The following MDN1 variants were observed in gnomAD, a reference collection of about 807,000 sequenced individuals.
The protein encoded by MDN1 is midasin AAA ATPase 1.
A neutral mutation model predicts 669.2 loss-of-function variants in MDN1; 266 were observed. That is an observed-to-expected ratio of 0.40 (90% CI 0.36 to 0.44). The LOEUF (loss-of-function observed/expected upper bound fraction) is 0.44. Ranked by LOEUF, MDN1 falls within the 20% of genes least tolerant of loss-of-function variation. The pLI, the probability that MDN1 is intolerant of heterozygous loss-of-function variation, is 1.00. For synonymous variants in MDN1, 2,385 were observed against 2,457.1 expected (o/e 0.97, Z 0.87); for missense variants, 5,940 against 6,754.0 (o/e 0.88, Z 4.22).
chr6:89,692,890 G>A lies in MDN1; in HGVS notation c.10140C>T (p.His3380=), dbSNP rs774340409. The A allele has an allele frequency of 1.9e-6, 3 of 1,614,242 alleles. No homozygotes were observed. The highest frequency in any genetic ancestry group is 2.5e-6 in the Non-Finnish European group (3 of 1,180,042). ...CCTCTGACAGCCGCTTCCGGAACTG[G>A]TGGTGTGACTGCTGCCAAGAGGCCT... ...KEEASWQQSH[H]QFRKRLSEEY... Residue 3380 remains histidine, a synonymous_variant, in exon 63 of 102, where the codon CAC becomes CAT. Transcript: ENST00000369393.
At position 89,673,348 on chromosome 6, in the gene MDN1, G is replaced by A; in HGVS notation, c.13362C>T (p.Asp4454=). ...GACTTTCAACTAGTGCCATTTGTGA[G>A]TCTCTTTGCTCAACCTCCATCCCTG... The part of the protein sequence containing the change: ...ILPGMEVEQR[D]SQMALVESLE... The change falls in exon 80 of 102, where the codon GAC becomes GAT. Residue 4454 remains aspartate (D), a synonymous_variant. Transcript: ENST00000369393. The A allele has an allele frequency of 6.2e-7, 1 of 1,614,096 alleles. No individual in the cohort carries two copies. Among genetic ancestry groups the A allele is most frequent in the Middle Eastern group, 1.6e-4 (1 of 6,062 alleles).
At chr6:89,704,714 G>A (rs1813405453) in intron 53 of MDN1, among the ~76,000 whole-genome samples, 2 of 152,122 alleles carry the variant, frequency 1.3e-5, no homozygotes, top group Admixed American at 6.5e-5. Context: ...TCGAGTAGCT[G>A]GGACTACAGG....
intron 29 of MDN1, among the ~76,000 whole-genome samples, chr6:89,744,330 C>T (rs1816472093): frequency 6.6e-6 from 1 of 151,738 alleles, no homozygotes; most frequent in South Asian, 2.1e-4. Context: ...CCTGTAATCC[C>T]AACACTTTGG....
intron 1 of MDN1, among the ~76,000 whole-genome samples, chr6:89,811,286 C>A (rs1463032251): frequency 6.6e-6 from 1 of 152,000 alleles, no homozygotes; most frequent in South Asian, 2.1e-4. Context: ...AAGTATCTAG[C>A]GGGTGGGTGG....
rs555577852 is a variant in MDN1 at position 89,645,248 on chromosome 6, G to A, written c.16460-91C>T. The A allele has an allele frequency of 1.9e-5, 26 of 1,385,860 alleles. No homozygotes were observed. In the African/African-American group the frequency reaches 3.3e-4, roughly 18 times the overall value. 85.8% of individuals were successfully genotyped at this position (1,385,860 alleles called of 1,614,324 possible). On this transcript the variant is annotated intron_variant, in intron 100 of 101. Coordinates refer to ENST00000369393, the MANE Select transcript of MDN1 (RefSeq NM_014611.3). ...CCCAAAGTAGGACAAATTAGTGTAG[G>A]CTTTCTCTGTACTATTAAAGCTAAA...
chr6:89,794,526 C>T, intron 3 of MDN1, 51 bp downstream of exon 3: 1 of 1,524,804 alleles, frequency 6.6e-7, no homozygotes, highest in African/African-American at 1.4e-5. Context: ...TCCACACATG[C>T]CCTGTACCAT....
intron 5 of MDN1, among the ~76,000 whole-genome samples, chr6:89,790,662 A>G (rs573023041): frequency 6.6e-6 from 1 of 152,306 alleles, no homozygotes; most frequent in African/African-American, 2.4e-5. Context: ...CCATGATCAC[A>G]CCACTGCACT....
chr6:89,690,511 T>C (rs1312008082), intron 64 of MDN1, among the ~76,000 whole-genome samples, 162 bp downstream of exon 64: 6 of 152,082 alleles, frequency 3.9e-5, no homozygotes, highest in Non-Finnish European at 8.8e-5. Flanking sequence ...TGAGCTATGA[T>C]TGCGCCACTG....
At chr6:89,697,774 G>A (rs567123802) in intron 59 of MDN1, among the ~76,000 whole-genome samples, 2 of 151,988 alleles carry the variant, frequency 1.3e-5, no homozygotes, top group East Asian at 1.9e-4. Flanking sequence ...TAGAGACAGG[G>A]TTTCACCATG....
chr6:89,754,000 A>G, intron 21 of MDN1, 83 bp downstream of exon 21: 1 of 1,439,228 alleles, frequency 6.9e-7, no homozygotes, highest in South Asian at 1.5e-5. Flanking sequence ...AGCACAGGCA[A>G]CCTGGCATAT....
At chr6:89,809,803 T>TAAAATAAAATA (rs1768265229) in intron 1 of MDN1, among the ~76,000 whole-genome samples, 1 of 138,452 alleles carries the variant, frequency 7.2e-6, no homozygotes, top group Non-Finnish European at 1.5e-5. Context: ...TAAAATAAAA[T>TAAAATAAAATA]AAAATAAAAT....
rs763862520 is a variant in MDN1, at chr6:89,695,676, T to C, written c.9700A>G (p.Thr3234Ala). ...TCAAAGCGTGCCTGGGGAAGCCATG[T>C]CTGAATCTGGAGCAAGCCGAGGCTC... ...WVSLGLLQIQTWLPQARFDPA... is the reference protein window; with the variant it reads ...WVSLGLLQIQAWLPQARFDPA... Residue 3234 changes from threonine to alanine, a missense_variant, in exon 61 of 102, where the codon ACA (threonine) becomes GCA (alanine). This residue lies in a region of MDN1 where 2,292 missense variants were observed against 2,638.3 expected (regional missense o/e 0.87). Coordinates refer to ENST00000369393, the MANE Select transcript of MDN1 (RefSeq NM_014611.3). This position sits in a 1 kb window ranked among gnomAD's most constrained non-coding sequence, Gnocchi z 4.1. The C allele has an allele frequency of 7.4e-6, 12 of 1,613,530 alleles. No individual in the cohort carries two copies. The highest frequency in any genetic ancestry group is 2.2e-5 in the South Asian group (2 of 91,064).
chr6:89,658,563 CTCT>C, intron 89 of MDN1, 44 bp downstream of exon 89: 2 of 1,567,456 alleles, frequency 1.3e-6, no homozygotes, highest in African/African-American at 1.4e-5. Context: ...GTGACTTCTC[CTCT>C]TCCTCATTAT....
At chr6:89,799,705 T>C (rs1016442020) in intron 2 of MDN1, among the ~76,000 whole-genome samples, 3 of 151,850 alleles carry the variant, frequency 2.0e-5, no homozygotes, top group African/African-American at 4.8e-5. Flanking sequence ...AGAAAAGAAA[T>C]AGTAAAGGTG....
intron 9 of MDN1, among the ~76,000 whole-genome samples, chr6:89,784,152 T>G (rs1286476510): frequency 4.6e-5 from 7 of 151,450 alleles, no homozygotes; most frequent in South Asian, 2.1e-4. Flanking sequence ...CCATCTCTAC[T>G]AAAAATACAA....
chr6:89,696,441 C>G lies in MDN1; in HGVS notation c.9302G>C (p.Trp3101Ser), dbSNP rs749096485. 6.2e-7 allele frequency: 1 copy of G among 1,614,138 alleles called. No individual in the cohort carries two copies. The highest frequency in any genetic ancestry group is 1.1e-5 in the South Asian group (1 of 91,078). ...CTGGAGCTGCTGAGTTCTCTCAACC[C>G]ACTCTCCTAGGGTCACGTGAGAGGA... ...LSSSHVTLGE[W>S]VERTQQLQDI... Residue 3101 changes from tryptophan to serine, a missense_variant, in exon 60 of 102, where the codon TGG (tryptophan) becomes TCG (serine). This residue lies in a region of MDN1 where 2,292 missense variants were observed against 2,638.3 expected (regional missense o/e 0.87). Coordinates refer to ENST00000369393, the MANE Select transcript of MDN1 (RefSeq NM_014611.3).
At chr6:89,701,280 A>G (rs1414254463) in intron 55 of MDN1, among the ~76,000 whole-genome samples, 4 of 152,200 alleles carry the variant, frequency 2.6e-5, no homozygotes, top group Non-Finnish European at 5.9e-5. Flanking sequence ...CAGCGTTTAT[A>G]TTGTATGAGG....
At chr6:89,689,151 G>GCATCAGCAA (rs1485676436) in intron 65 of MDN1, among the ~76,000 whole-genome samples, 1 of 152,214 alleles carries the variant, frequency 6.6e-6, no homozygotes, top group Non-Finnish European at 1.5e-5. Context: ...GAGAAACAGA[G>GCATCAGCAA]CATCAGCAAC....
rs1458184960 is a variant in MDN1 at position 89,693,109 on chromosome 6, G to A, written c.9921C>T (p.Thr3307=). 1.2e-6 allele frequency: 2 copies of A among 1,610,054 alleles called. No individual in the cohort carries two copies. The highest frequency in any genetic ancestry group is 1.7e-6 in the Non-Finnish European group (2 of 1,178,464). Residue 3307 remains threonine (T), a synonymous_variant, in exon 63 of 102, where the codon ACC becomes ACT. Coordinates refer to ENST00000369393, the MANE Select transcript of MDN1 (RefSeq NM_014611.3). ...AGGCCTGTTTCTTCAACAGGTGACA[G>A]GTTAAATTATCCAGCCGATCCATCC... ...RQRMDRLDNL[T]CHLLKKQAFR...
Sources: gnomAD v4.1 joint callset for allele counts (sites outside exome capture counted in the v4.1 genomes callset) on GRCh38, gnomAD v4.1.1 for gene constraint, gnomAD v4.1.1 regional missense constraint, Gnocchi (gnomAD v3.1) non-coding constraint, MANE v1.5 for transcripts, NCBI Gene and HGNC (gene_info 2026-07-23, HGNC 2026-07-21) for gene names.